Variants in FBXL7 observed in about 807,000 individuals in gnomAD.
The protein encoded by FBXL7 is F-box and leucine rich repeat protein 7.
In FBXL7, 12 loss-of-function variants were observed where a neutral mutation model predicts 38.3. The ratio of observed to expected loss-of-function variants is 0.31; its 90% CI spans 0.20 to 0.51. The LOEUF (loss-of-function observed/expected upper bound fraction) is 0.51, where lower values mean the gene tolerates loss of function less well. FBXL7 is among the 20% of genes least tolerant of loss of function. The probability of loss-of-function intolerance (pLI) is 0.98; values close to 1 mark genes in which losing one functional copy is unlikely to be tolerated. For missense variants in FBXL7, 567 were observed against 676.4 expected, an observed-to-expected ratio of 0.84 and a Z score of 1.79; for synonymous variants, 297 against 300.9, an observed-to-expected ratio of 0.99 and a Z score of 0.13.
intron 2 of FBXL7, among the ~76,000 whole-genome samples, chr5:15,841,508 C>A (rs1240615400): frequency 6.6e-6 from 1 of 151,836 alleles, no homozygotes; most frequent in African/African-American, 2.4e-5. Flanking sequence ...AACCTGGTAA[C>A]CTGGTAGCTT....
intron 2 of FBXL7, among the ~76,000 whole-genome samples, chr5:15,642,306 C>A (rs368491679): frequency 6.6e-6 from 1 of 152,194 alleles, no homozygotes; most frequent in South Asian, 2.1e-4. Context: ...GAAAATTAAA[C>A]CTCTTGGGAA....
chr5:15,733,163 G>A (rs1210698918), intron 2 of FBXL7, among the ~76,000 whole-genome samples: 4 of 151,772 alleles, frequency 2.6e-5, no homozygotes, highest in African/African-American at 7.3e-5. Flanking sequence ...GCGCTATCTC[G>A]GCTCACTGCA....
intron 2 of FBXL7, among the ~76,000 whole-genome samples, chr5:15,776,459 T>C (rs560480902): frequency 7.9e-5 from 12 of 152,152 alleles, no homozygotes; most frequent in Admixed American, 6.6e-5. Flanking sequence ...AAACATGATC[T>C]GGGTTGGCAA....
chr5:15,694,297 T>C (rs12152734), intron 2 of FBXL7, among the ~76,000 whole-genome samples: 97,446 of 151,970 alleles, frequency 0.64, 31,956 homozygotes, highest in East Asian at 0.75. Context: ...TTTCATAAAC[T>C]TACATTCCTT....
chr5:15,689,655 A>C (rs375120812), intron 2 of FBXL7, among the ~76,000 whole-genome samples: 19 of 152,340 alleles, frequency 1.2e-4, no homozygotes, highest in African/African-American at 4.1e-4. Flanking sequence ...ACTTAGAATA[A>C]TACCTAACAC....
intron 2 of FBXL7, among the ~76,000 whole-genome samples, chr5:15,926,224 A>G (rs1249317746): frequency 1.3e-5 from 2 of 151,520 alleles, no homozygotes; most frequent in South Asian, 4.1e-4. Context: ...AACAGAGAAA[A>G]TACATTTCTT....
intron 2 of FBXL7, among the ~76,000 whole-genome samples, chr5:15,630,999 G>A (rs1456842507): frequency 6.6e-6 from 1 of 152,010 alleles, no homozygotes; most frequent in African/African-American, 2.4e-5. Context: ...CATTTAGCTT[G>A]TTTACTTTTA....
chr5:15,731,099 A>C (rs1735571428), intron 2 of FBXL7, among the ~76,000 whole-genome samples: 1 of 152,172 alleles, frequency 6.6e-6, no homozygotes, highest in South Asian at 2.1e-4. Flanking sequence ...GTCTGAGTAC[A>C]TTCTTGTTAG....
At position 15,754,533 on chromosome 5, in the gene FBXL7, C is replaced by T. The variant is rs149942960; in HGVS notation, c.127+138461C>T. 2.4e-3 allele frequency among the ~76,000 whole-genome samples: 363 copies of T among 152,146 alleles called. 3 individuals are homozygous for T. The highest frequency in any genetic ancestry group is 8.1e-3 in the African/African-American group (338 of 41,496). On this transcript the variant is annotated intron_variant, in intron 2 of 3. Transcript: ENST00000504595. ...AACAGGCTTATGTACATATTGGATA[C>T]GGGAAAAAGAAGATTTTGATTGATT...
At chr5:15,707,184 T>TG in intron 2 of FBXL7, among the ~76,000 whole-genome samples, 1 of 140,678 alleles carries the variant, frequency 7.1e-6, no homozygotes, top group South Asian at 2.4e-4. Context: ...GTTTTTTTTT[T>TG]TTTTTTTTTT....
intron 1 of FBXL7, among the ~76,000 whole-genome samples, chr5:15,600,009 T>C (rs1204548204): frequency 1.3e-5 from 2 of 152,160 alleles, no homozygotes; most frequent in African/African-American, 4.8e-5. Context: ...AATAAGAAGC[T>C]ATAGGAGCAG....
intron 2 of FBXL7, among the ~76,000 whole-genome samples, chr5:15,696,609 T>G (rs1743346514): frequency 6.6e-6 from 1 of 152,194 alleles, no homozygotes; most frequent in South Asian, 2.1e-4. Flanking sequence ...TACGGTAAGT[T>G]TTCCTCACTA....
At chr5:15,611,311 CT>C (rs61608325) in intron 1 of FBXL7, among the ~76,000 whole-genome samples, 15,050 of 128,068 alleles carry the variant, frequency 0.12, 748 homozygotes, top group African/African-American at 0.18. Context: ...TGTTTTGCCA[CT>C]TTTTTTTTTT....
rs560979959 is a variant in FBXL7 at position 15,874,437 on chromosome 5, A to C, written c.128-53453A>C. On this transcript the variant is annotated intron_variant, in intron 2 of 3. Transcript: ENST00000504595. ...GTCAGGGCAGTCAGGCAAGAGAAAG[A>C]AATAAAGCATATTCAAATAGGAAGA... is the stretch of plus-strand genomic sequence containing the variant. Among the ~76,000 whole-genome samples, 67 of 152,314 alleles carry C rather than the reference A, an allele frequency of 4.4e-4. 1 individual carries two copies. The South Asian group carries it at 0.011, about 25-fold the overall frequency.
At chr5:15,684,213 G>A (rs749320272) in intron 2 of FBXL7, among the ~76,000 whole-genome samples, 1 of 152,124 alleles carries the variant, frequency 6.6e-6, no homozygotes, top group Non-Finnish European at 1.5e-5. Context: ...GTACGTGAAC[G>A]AACAAGCCTA....
At chr5:15,669,858 T>A (rs75002042) in intron 2 of FBXL7, among the ~76,000 whole-genome samples, 11,817 of 152,218 alleles carry the variant, frequency 0.078, 1,235 homozygotes, top group East Asian at 0.35. Context: ...TGTCCCTTCT[T>A]GAGGGAAGAG....
At chr5:15,926,345 ATAT>A (rs1268752311) in intron 2 of FBXL7, among the ~76,000 whole-genome samples, 1 of 148,044 alleles carries the variant, frequency 6.8e-6, no homozygotes, top group Non-Finnish European at 1.5e-5. Context: ...ATTATTAAAT[ATAT>A]TATTTATATA....
intron 2 of FBXL7, among the ~76,000 whole-genome samples, chr5:15,781,792 G>A (rs1369846085): frequency 6.6e-6 from 1 of 152,118 alleles, no homozygotes; most frequent in East Asian, 1.9e-4. Flanking sequence ...TGGGGCAGAT[G>A]TTGAAGAGAG....
At chr5:15,874,289 T>C (rs1025621537) in intron 2 of FBXL7, among the ~76,000 whole-genome samples, 1 of 152,174 alleles carries the variant, frequency 6.6e-6, no homozygotes, top group African/African-American at 2.4e-5. Flanking sequence ...AAGAGCTGTA[T>C]ATGGCAGACC....
Sources: gnomAD v4.1 joint callset for allele counts (sites outside exome capture counted in the v4.1 genomes callset) on GRCh38, gnomAD v4.1.1 for gene constraint, MANE v1.5 for transcripts, NCBI Gene and HGNC (gene_info 2026-07-23, HGNC 2026-07-21) for gene names.